Variants in GLIS3 observed in about 807,000 individuals in gnomAD.
The protein encoded by GLIS3 is zinc finger protein GLIS3.
Under a neutral mutation model 78.6 loss-of-function variants are expected in GLIS3, and 53 were observed. The ratio of observed to expected loss-of-function variants is 0.67; its 90% CI spans 0.54 to 0.85. The LOEUF (loss-of-function observed/expected upper bound fraction) is 0.85, where lower values mean the gene tolerates loss of function less well. Among genes scored for constraint, GLIS3 ranks in the 40% least tolerant of loss-of-function variants. The probability of loss-of-function intolerance (pLI) is 0.00; values close to 1 mark genes in which losing one functional copy is unlikely to be tolerated. For missense variants in GLIS3, 1,703 were observed against 1,231.1 expected, an observed-to-expected ratio of 1.38 and a Z score of -5.74; for synonymous variants, 684 against 509.9, an observed-to-expected ratio of 1.34 and a Z score of -4.60.
chr9:4,103,693 G>A (rs1287405790), intron 4 of GLIS3, among the ~76,000 whole-genome samples: 1 of 152,088 alleles, frequency 6.6e-6, no homozygotes, highest in Non-Finnish European at 1.5e-5. Context: ...TCAGATGTAT[G>A]GATACTGTTT....
chr9:3,979,670 A>G (rs1427228821), intron 4 of GLIS3, among the ~76,000 whole-genome samples: 2 of 152,108 alleles, frequency 1.3e-5, no homozygotes, highest in Non-Finnish European at 2.9e-5. Flanking sequence ...CACTTACCAC[A>G]CAGTTTTATG....
chr9:3,965,478 G>C (rs908066481), intron 4 of GLIS3, among the ~76,000 whole-genome samples: 1 of 152,144 alleles, frequency 6.6e-6, no homozygotes, highest in South Asian at 2.1e-4. Flanking sequence ...ACAGGCGTGA[G>C]CCACCACGCC....
chr9:4,027,430 T>C (rs1278963368), intron 4 of GLIS3, among the ~76,000 whole-genome samples: 1 of 152,216 alleles, frequency 6.6e-6, no homozygotes, highest in Non-Finnish European at 1.5e-5. Flanking sequence ...AATCAGTTCA[T>C]TTGAGGACTG....
At chr9:3,960,524 G>A (rs1336994212) in intron 4 of GLIS3, among the ~76,000 whole-genome samples, 1 of 152,052 alleles carries the variant, frequency 6.6e-6, no homozygotes, top group Non-Finnish European at 1.5e-5. Flanking sequence ...ATGCAGGCAG[G>A]GGTCTTCTCT....
At chr9:4,080,880 A>G (rs1017263156) in intron 4 of GLIS3, among the ~76,000 whole-genome samples, 2 of 152,194 alleles carry the variant, frequency 1.3e-5, no homozygotes, top group Non-Finnish European at 2.9e-5. Flanking sequence ...CCGGGCGTAC[A>G]TCGTACAACC....
intron 2 of GLIS3, among the ~76,000 whole-genome samples, chr9:4,344,002 A>T (rs1817870890): frequency 6.6e-6 from 1 of 152,194 alleles, no homozygotes. Flanking sequence ...TAAACTGTAC[A>T]CAAAACTCCA....
At chr9:4,211,259 T>C (rs546126645) in intron 2 of GLIS3, among the ~76,000 whole-genome samples, 1 of 152,338 alleles carries the variant, frequency 6.6e-6, no homozygotes, top group East Asian at 1.9e-4. Context: ...TTATGTAAGT[T>C]CAAGGTCCAC....
At chr9:4,487,102 C>A in the GLIS3 span, among the ~76,000 whole-genome samples, 2 of 152,224 alleles carry the variant, frequency 1.3e-5, no homozygotes, top group East Asian at 3.9e-4. Context: ...TGGGTTCAAG[C>A]GATTCTCCTG....
At position 3,933,122 on chromosome 9, in the gene GLIS3, C is replaced by T. The variant is rs1433318543; in HGVS notation, c.1873-652G>A. Among the ~76,000 whole-genome samples, 4 of 152,128 alleles carry T rather than the reference C, an allele frequency of 2.6e-5. No homozygotes were observed. The East Asian group carries it at 7.7e-4, about 29-fold the overall frequency. On this transcript the variant is annotated intron_variant, in intron 5 of 10. Coordinates refer to ENST00000381971, the MANE Select transcript of GLIS3 (RefSeq NM_001042413.2). The stretch of plus-strand genomic sequence containing the variant: ...AATCAGAACACACATTTTGGCTATT[C>T]CATTTCCCCCATGCTCCTGGGAGAT...
intron 2 of GLIS3, among the ~76,000 whole-genome samples, chr9:4,193,166 T>C (rs1354317220): frequency 3.3e-5 from 5 of 152,262 alleles, no homozygotes; most frequent in Non-Finnish European, 7.3e-5. Flanking sequence ...TCAGCAAAAC[T>C]ATAGCCTGCG....
At chr9:4,410,369 T>C in the GLIS3 span, among the ~76,000 whole-genome samples, 1 of 152,120 alleles carries the variant, frequency 6.6e-6, no homozygotes, top group African/African-American at 2.4e-5. Flanking sequence ...CATAGAGCTA[T>C]GGAGAAAAAC....
At chr9:4,068,751 A>C (rs1308240843) in intron 4 of GLIS3, among the ~76,000 whole-genome samples, 1 of 152,076 alleles carries the variant, frequency 6.6e-6, no homozygotes, top group Non-Finnish European at 1.5e-5. Flanking sequence ...AAAACCTCGA[A>C]AAAGAGCACT....
intron 2 of GLIS3, among the ~76,000 whole-genome samples, chr9:4,171,682 T>C (rs574027227): frequency 6.6e-6 from 1 of 152,310 alleles, no homozygotes; most frequent in South Asian, 2.1e-4. Context: ...AAAGCAATCA[T>C]ACAGAAGCAA....
the GLIS3 span, among the ~76,000 whole-genome samples, chr9:4,446,285 C>G: frequency 4.6e-5 from 7 of 152,192 alleles, no homozygotes; most frequent in Non-Finnish European, 4.4e-5. Context: ...GAAGGGGGTA[C>G]CCTTGACTGC....
intron 6 of GLIS3, among the ~76,000 whole-genome samples, chr9:3,907,605 A>C (rs371052787): frequency 0.11 from 10,420 of 92,050 alleles, 505 homozygotes; most frequent in East Asian, 0.23. Context: ...CCACCCCCCA[A>C]ACACACACAC....
At chr9:4,404,585 C>G in the GLIS3 span, among the ~76,000 whole-genome samples, 1 of 152,210 alleles carries the variant, frequency 6.6e-6, no homozygotes, top group East Asian at 1.9e-4. Flanking sequence ...ACTATATAAA[C>G]ACATGATAAT....
chr9:4,067,992 T>C (rs545939801), intron 4 of GLIS3, among the ~76,000 whole-genome samples: 1 of 152,096 alleles, frequency 6.6e-6, no homozygotes, highest in African/African-American at 2.4e-5. Flanking sequence ...CCTCAGAATA[T>C]ATAAAGTCAG....
At chr9:4,157,556 G>C (rs1835130848) in intron 2 of GLIS3, among the ~76,000 whole-genome samples, 1 of 152,242 alleles carries the variant, frequency 6.6e-6, no homozygotes, top group Middle Eastern at 3.4e-3. Context: ...CATACATAGA[G>C]GCTTAAATCA....
chr9:4,282,974 G>C (rs968784233), intron 2 of GLIS3, among the ~76,000 whole-genome samples: 16 of 151,942 alleles, frequency 1.1e-4, no homozygotes, highest in African/African-American at 3.9e-4. Flanking sequence ...GTGGAACCAG[G>C]TGCAAGTCCA....
Sources: gnomAD v4.1 joint callset for allele counts (sites outside exome capture counted in the v4.1 genomes callset) on GRCh38, gnomAD v4.1.1 for gene constraint, MANE v1.5 for transcripts, NCBI Gene and HGNC (gene_info 2026-07-23, HGNC 2026-07-21) for gene names.